Variants in BMPR1B observed in about 807,000 individuals in gnomAD.
BMPR1B encodes bone morphogenetic protein receptor type 1B.
BMPR1B carries 12 observed loss-of-function variants against 59.1 expected under a neutral mutation model. The observed-to-expected ratio is 0.20, with a 90% confidence interval of 0.13 to 0.33. The LOEUF (loss-of-function observed/expected upper bound fraction) is 0.33. Among genes scored for constraint, BMPR1B ranks in the 10% least tolerant of loss-of-function variants. The pLI is 1.00. For missense variants in BMPR1B, 550 were observed against 610.9 expected (o/e 0.90, Z 1.05); for synonymous variants, 237 against 207.3 (o/e 1.14, Z -1.23).
chr4:94,974,703 T>G (rs1338955108), intron 2 of BMPR1B, among the ~76,000 whole-genome samples: 1 of 152,246 alleles, frequency 6.6e-6, no homozygotes, highest in Non-Finnish European at 1.5e-5. Flanking sequence ...CCAGCTGTAT[T>G]GAAACTTGCT....
chr4:94,785,296 G>A (rs1476266157), intron 1 of BMPR1B, among the ~76,000 whole-genome samples: 1 of 152,034 alleles, frequency 6.6e-6, no homozygotes, highest in Non-Finnish European at 1.5e-5. Flanking sequence ...AAGAATTCAG[G>A]CAAAACTAAT....
At chr4:95,031,950 A>G (rs6815593) in intron 3 of BMPR1B, among the ~76,000 whole-genome samples, 41,810 of 151,904 alleles carry the variant, frequency 0.28, 6,512 homozygotes, top group South Asian at 0.43. Context: ...AAAATACTGT[A>G]ACATAACGAT....
intron 3 of BMPR1B, among the ~76,000 whole-genome samples, chr4:95,022,647 ATATTTT>A (rs1307389794): frequency 6.6e-6 from 1 of 152,038 alleles, no homozygotes; most frequent in Non-Finnish European, 1.5e-5. Context: ...CGGCAGGAAA[ATATTTT>A]TATTTTTATT....
intron 1 of BMPR1B, among the ~76,000 whole-genome samples, chr4:94,814,031 G>T (rs1043842141): frequency 2.8e-4 from 43 of 152,196 alleles, no homozygotes; most frequent in Admixed American, 2.8e-3. Context: ...TATACAAGTC[G>T]GAATCAGATC....
intron 3 of BMPR1B, among the ~76,000 whole-genome samples, chr4:95,016,682 A>G (rs1212555027): frequency 3.9e-5 from 6 of 152,148 alleles, no homozygotes; most frequent in Non-Finnish European, 8.8e-5. Context: ...TTCCACATCT[A>G]CTCCTGACTT....
chr4:94,906,061 A>G (rs1391421210), intron 2 of BMPR1B, among the ~76,000 whole-genome samples: 2 of 151,860 alleles, frequency 1.3e-5, no homozygotes, highest in African/African-American at 4.8e-5. Context: ...TTTGTCAAGG[A>G]GACTCCTAGT....
At chr4:94,935,126 A>G (rs184983642) in intron 2 of BMPR1B, among the ~76,000 whole-genome samples, 1 of 152,206 alleles carries the variant, frequency 6.6e-6, no homozygotes, top group African/African-American at 2.4e-5. Flanking sequence ...TTCCTCTTGT[A>G]TTCCTTTTCT....
intron 3 of BMPR1B, among the ~76,000 whole-genome samples, chr4:95,079,693 A>C (rs1000114102): frequency 3.9e-5 from 6 of 152,066 alleles, no homozygotes; most frequent in Non-Finnish European, 7.4e-5. Flanking sequence ...AAGTTAGGGA[A>C]AAGTTTGTCT....
rs559808083 is a variant in BMPR1B, at chr4:94,840,981, A to G, written c.-182-34850A>G. 4.7e-3 allele frequency among the ~76,000 whole-genome samples: 695 copies of G among 146,912 alleles called. 60 individuals are homozygous for G. The highest frequency in any genetic ancestry group is 0.017 in the African/African-American group (662 of 39,658). ...TCTGTTTGTTAGTTTTCCTTCTAACAGACAGGACCCTCAGCTGCAGGTCTG... is the reference window on the plus strand; with the variant it reads ...TCTGTTTGTTAGTTTTCCTTCTAACGGACAGGACCCTCAGCTGCAGGTCTG... On this transcript the variant is annotated intron_variant, in intron 1 of 12. Transcript: ENST00000515059.
At chr4:95,036,520 G>T (rs1834718) in intron 3 of BMPR1B, among the ~76,000 whole-genome samples, 145,117 of 152,206 alleles carry the variant, frequency 0.95, 69,218 homozygotes, top group Middle Eastern at 0.99. Flanking sequence ...TCCAGTTCCA[G>T]CTACGTTGTT....
chr4:94,758,559 C>T (rs1001984279), intron 1 of BMPR1B, among the ~76,000 whole-genome samples: 18 of 152,138 alleles, frequency 1.2e-4, no homozygotes, highest in African/African-American at 4.3e-4. Context: ...CCAGGCGGGA[C>T]CCGCAGGCAC....
intron 10 of BMPR1B, among the ~76,000 whole-genome samples, chr4:95,147,627 A>G (rs1286864647): frequency 1.3e-5 from 2 of 152,232 alleles, no homozygotes; most frequent in African/African-American, 2.4e-5. Context: ...GATTTTCCAC[A>G]GAGTTCAGCT....
chr4:94,877,070 C>A (rs894068666), intron 2 of BMPR1B, among the ~76,000 whole-genome samples: 1 of 152,216 alleles, frequency 6.6e-6, no homozygotes, highest in African/African-American at 2.4e-5. Context: ...TTTCCCCTGG[C>A]TAAGTGTTGT....
chr4:95,074,186 T>C (rs1464935723), intron 3 of BMPR1B, among the ~76,000 whole-genome samples: 3 of 152,106 alleles, frequency 2.0e-5, no homozygotes. Flanking sequence ...TCACTTTTTG[T>C]ATTTAAATCT....
chr4:94,808,203 A>T (rs901909155), intron 1 of BMPR1B, among the ~76,000 whole-genome samples: 2 of 152,072 alleles, frequency 1.3e-5, no homozygotes, highest in African/African-American at 2.4e-5. Context: ...TAATTAACAG[A>T]TGTTAGATAC....
intron 2 of BMPR1B, among the ~76,000 whole-genome samples, chr4:94,904,274 C>G (rs1056809622): frequency 6.6e-6 from 1 of 151,956 alleles, no homozygotes; most frequent in African/African-American, 2.4e-5. Context: ...ATATGACTTA[C>G]AGATGCACTA....
chr4:94,838,465 A>T (rs1285847817), intron 1 of BMPR1B, among the ~76,000 whole-genome samples: 1 of 124,854 alleles, frequency 8.0e-6, no homozygotes, highest in Non-Finnish European at 1.7e-5. Flanking sequence ...CAGAGATTCA[A>T]CTTCTTCCTG....
intron 6 of BMPR1B, among the ~76,000 whole-genome samples, chr4:95,117,574 G>A (rs1732161995): frequency 2.0e-5 from 3 of 151,808 alleles, no homozygotes; most frequent in Admixed American, 2.0e-4. Context: ...CCTGGGCCCA[G>A]AAGTTCAAGA....
intron 3 of BMPR1B, among the ~76,000 whole-genome samples, chr4:95,051,337 G>A (rs1282822978): frequency 6.6e-6 from 1 of 152,174 alleles, no homozygotes; most frequent in Non-Finnish European, 1.5e-5. Context: ...GGTTTGCTAT[G>A]GATTCCCTTC....
Sources: allele counts gnomAD v4.1 joint callset (sites outside exome capture counted in the v4.1 genomes callset), GRCh38; gene constraint gnomAD v4.1.1; transcripts MANE v1.5; gene names NCBI Gene and HGNC (gene_info 2026-07-23, HGNC 2026-07-21).